Variants in PSD3 observed in about 807,000 individuals in gnomAD.
PSD3 encodes PH and SEC7 domain-containing protein 3.
In PSD3, 49 loss-of-function variants were observed where a neutral mutation model predicts 105.5. The observed-to-expected ratio is 0.46, with a 90% CI of 0.37 to 0.59. The LOEUF (loss-of-function observed/expected upper bound fraction) is 0.59. PSD3 is among the 20% of genes least tolerant of loss of function. The pLI, the probability that PSD3 is intolerant of heterozygous loss-of-function variation, is 0.00. For synonymous variants in PSD3, 557 were observed against 457.8 expected (o/e 1.22, Z -2.77); for missense variants, 1,561 against 1,263.8 (o/e 1.24, Z -3.57).
chr8:18,964,334 A>G (rs1824113504), intron 1 of PSD3, among the ~76,000 whole-genome samples: 3 of 152,012 alleles, frequency 2.0e-5, no homozygotes, highest in Admixed American at 2.0e-4. Context: ...ATGTTGCCCA[A>G]ACTGGTCTCA....
Position 18,534,043 on chromosome 8 carries a change from G to A in PSD3, c.*1700C>T, listed in dbSNP as rs564138410. ...ATTTACAGAGGGGAAGGAAGTAAAC[G>A]TTAATAAATAATTCTGTAAATAAAT... On this transcript the variant is annotated 3_prime_UTR_variant, in exon 16 of 16. Transcript: ENST00000327040. The A allele has an allele frequency of 2.6e-5, 4 of 152,212 alleles. No homozygotes were observed. The highest frequency in any genetic ancestry group is 2.1e-4 in the South Asian group (1 of 4,824). The allele number at this position is 152,212 out of a possible 1,614,324, so 9.4% of individuals were successfully genotyped here.
At chr8:18,827,514 G>A (rs533700304) in intron 4 of PSD3, among the ~76,000 whole-genome samples, 10 of 152,210 alleles carry the variant, frequency 6.6e-5, no homozygotes, top group East Asian at 3.9e-4. Context: ...ATTCAAGAGC[G>A]GTAACTAGGT....
chr8:18,772,805 C>T lies in PSD3; in HGVS notation c.2083-7267G>A, dbSNP rs147413876. Among the ~76,000 whole-genome samples, 1,316 of 152,222 alleles carry T rather than the reference C, an allele frequency of 8.6e-3. 20 individuals are homozygous for T. Among genetic ancestry groups the T allele is most frequent in the African/African-American group, 0.027 (1,107 of 41,528 alleles). On this transcript the variant is annotated intron_variant, in intron 8 of 15. Coordinates refer to ENST00000327040, the MANE Select transcript of PSD3 (RefSeq NM_015310.4). ...GATTACAGGCATGAGCCACTGCGCC[C>T]GGCCCTTGTGAACATTTCTAGACCA... is the stretch of plus-strand genomic sequence containing the variant.
intron 9 of PSD3, among the ~76,000 whole-genome samples, chr8:18,678,154 T>G (rs1469150816): frequency 6.6e-6 from 1 of 152,166 alleles, no homozygotes; most frequent in Non-Finnish European, 1.5e-5. Flanking sequence ...GATAAAATTG[T>G]TTTTATCTTT....
chr8:18,946,561 T>C (rs13277470), intron 1 of PSD3, among the ~76,000 whole-genome samples: 98,908 of 150,072 alleles, frequency 0.66, 32,507 homozygotes, highest in Non-Finnish European at 0.67. Flanking sequence ...AGCCTGGGCA[T>C]GGAACAACAC....
intron 8 of PSD3, among the ~76,000 whole-genome samples, chr8:18,797,310 T>A (rs1385802442): frequency 6.6e-6 from 1 of 152,134 alleles, no homozygotes; most frequent in Non-Finnish European, 1.5e-5. Flanking sequence ...TTATTGATAA[T>A]TTTCTCCCTC....
intron 8 of PSD3, among the ~76,000 whole-genome samples, chr8:18,780,529 A>G (rs1054204751): frequency 4.6e-5 from 7 of 151,904 alleles, no homozygotes; most frequent in African/African-American, 1.5e-4. Context: ...TTTCTGTAGT[A>G]GTAACACTTG....
chr8:18,834,804 C>A (rs140875647), intron 4 of PSD3, among the ~76,000 whole-genome samples: 1 of 152,180 alleles, frequency 6.6e-6, no homozygotes, highest in African/African-American at 2.4e-5. Context: ...GGAGGTCTCA[C>A]TGTTCCTTGC....
chr8:18,762,931 T>C, intron 9 of PSD3: 1 of 1,283,016 alleles, frequency 7.8e-7, no homozygotes, highest in South Asian at 1.2e-5. Context: ...CTGTTTATTT[T>C]ATGGAGAAAG....
chr8:19,072,168 C>G (rs1829291573), intron 1 of PSD3, among the ~76,000 whole-genome samples: 1 of 150,308 alleles, frequency 6.7e-6, no homozygotes, highest in Non-Finnish European at 1.5e-5. Flanking sequence ...GTGGCACGAT[C>G]TCTGCTCACT....
intron 9 of PSD3, among the ~76,000 whole-genome samples, chr8:18,671,966 G>A (rs1585573203): frequency 6.6e-6 from 1 of 150,422 alleles, no homozygotes; most frequent in East Asian, 1.9e-4. Flanking sequence ...CTGATCCTCT[G>A]AAACTGTAAT....
At chr8:18,936,287 A>G (rs151237015) in intron 1 of PSD3, 145 bp from the exon 2 acceptor site, 90 of 586,450 alleles carry the variant, frequency 1.5e-4, no homozygotes, top group African/African-American at 1.4e-3. Flanking sequence ...GAAACATGAA[A>G]AGTGTAACAT....
At chr8:18,855,743 A>C (rs927530093) in intron 4 of PSD3, among the ~76,000 whole-genome samples, 1 of 152,244 alleles carries the variant, frequency 6.6e-6, no homozygotes, top group Non-Finnish European at 1.5e-5. Context: ...TAAAGGAATG[A>C]TAAACATCAG....
chr8:18,912,049 T>A (rs887194053), intron 2 of PSD3, among the ~76,000 whole-genome samples: 1 of 152,184 alleles, frequency 6.6e-6, no homozygotes, highest in East Asian at 1.9e-4. Flanking sequence ...GAAAAATTTA[T>A]ACATGAGGAA....
At chr8:18,549,116 T>A (rs1800614088) in intron 15 of PSD3, among the ~76,000 whole-genome samples, 1 of 151,586 alleles carries the variant, frequency 6.6e-6, no homozygotes, top group South Asian at 2.1e-4. Context: ...TGCCTTGAGG[T>A]AGGGGTGACA....
chr8:18,642,507 G>C (rs1434390041), intron 10 of PSD3, among the ~76,000 whole-genome samples: 1 of 151,974 alleles, frequency 6.6e-6, no homozygotes, highest in Non-Finnish European at 1.5e-5. Flanking sequence ...TTGATATAGA[G>C]GATATAAGAT....
chr8:18,560,170 C>T (rs1254920490), intron 14 of PSD3, among the ~76,000 whole-genome samples: 2 of 124,442 alleles, frequency 1.6e-5, no homozygotes, highest in Non-Finnish European at 3.4e-5. Flanking sequence ...GAAAGATACA[C>T]ATTTTACACA....
chr8:19,006,103 G>T (rs1396572411), intron 1 of PSD3, among the ~76,000 whole-genome samples: 1 of 151,382 alleles, frequency 6.6e-6, no homozygotes, highest in East Asian at 2.0e-4. Flanking sequence ...GATCATCCTG[G>T]GCCAAAATGG....
chr8:18,765,394 T>C, intron 9 of PSD3, 55 bp downstream of exon 9: 1 of 1,463,982 alleles, frequency 6.8e-7, no homozygotes, highest in Non-Finnish European at 9.6e-7. Context: ...GATTAAGCTG[T>C]AAGCAGCAAA....
Sources: allele counts gnomAD v4.1 joint callset (sites outside exome capture counted in the v4.1 genomes callset), GRCh38; gene constraint gnomAD v4.1.1; transcripts MANE v1.5; gene names NCBI Gene and HGNC (gene_info 2026-07-23, HGNC 2026-07-21).